RAP1GAP2: variants seen among roughly 807,000 people sequenced by gnomAD.
RAP1GAP2 encodes RAP1 GTPase activating protein 2, also known as rap1 GTPase-activating protein 2.
RAP1GAP2 carries 27 observed loss-of-function variants against 95.0 expected under a neutral mutation model. The observed-to-expected ratio is 0.28, with a 90% confidence interval of 0.21 to 0.39. The LOEUF is 0.39. Among genes scored for constraint, RAP1GAP2 ranks in the 10% least tolerant of loss-of-function variants. The pLI is 1.00. For missense variants in RAP1GAP2, 771 were observed against 970.0 expected (o/e 0.79, Z 2.72); for synonymous variants, 373 against 380.9 (o/e 0.98, Z 0.24).
At chr17:2,863,987 G>T (rs1010034688) in intron 2 of RAP1GAP2, among the ~76,000 whole-genome samples, 1 of 152,092 alleles carries the variant, frequency 6.6e-6, no homozygotes, top group African/African-American at 2.4e-5. Context: ...GGGAGGCGGA[G>T]GTTGCAGTGA....
Position 2,867,774 on chromosome 17 carries a change from C to T in RAP1GAP2, c.81-37510C>T, listed in dbSNP as rs886638679. ...GGCAGTAAAAATGCCAACAGCTGTC[C>T]ACTCTGCTGGCCCTAGTGGCTTAGT... On this transcript the variant is annotated intron_variant, in intron 2 of 24. Transcript: ENST00000254695. The surrounding 1 kb of genome is among the most constrained non-coding windows in gnomAD (Gnocchi z 4.5). Among the ~76,000 whole-genome samples the T allele has an allele frequency of 7.9e-5, 12 of 152,132 alleles. No homozygotes were observed. Among genetic ancestry groups the T allele is most frequent in the African/African-American group, 2.9e-4 (12 of 41,436 alleles).
chr17:2,888,244 A>G (rs888395262), intron 2 of RAP1GAP2, among the ~76,000 whole-genome samples: 2 of 152,122 alleles, frequency 1.3e-5, no homozygotes, highest in Non-Finnish European at 2.9e-5. Flanking sequence ...CATATCTGTC[A>G]CCTCAAACGT....
intron 2 of RAP1GAP2, among the ~76,000 whole-genome samples, chr17:2,864,261 C>G (rs1001390744): frequency 2.6e-5 from 4 of 152,156 alleles, no homozygotes; most frequent in Admixed American, 2.0e-4. Context: ...AGACACAGTC[C>G]TAGGTGCTGA....
intron 2 of RAP1GAP2, among the ~76,000 whole-genome samples, chr17:2,841,972 G>A (rs8072031): frequency 0.11 from 17,365 of 152,234 alleles, 1,202 homozygotes; most frequent in East Asian, 0.21. Context: ...AGCTGCCTGT[G>A]CAACTGGCCC....
In RAP1GAP2 at chr17:2,906,183, G is replaced by A. The variant is rs1347671822; in HGVS notation, c.165+815G>A. On this transcript the variant is annotated intron_variant, in intron 3 of 24. Coordinates refer to ENST00000254695, the MANE Select transcript of RAP1GAP2 (RefSeq NM_015085.5). This position sits in a 1 kb window ranked among gnomAD's most constrained non-coding sequence, Gnocchi z 4.3. ...ACCTGCCTCCTGAGTCATCTGAGGGGACATCTAGGCCAGCTCCTCTCTGTC... is the reference window on the plus strand; with the variant it reads ...ACCTGCCTCCTGAGTCATCTGAGGGAACATCTAGGCCAGCTCCTCTCTGTC... Among the ~76,000 whole-genome samples, 1 of 152,128 alleles carries A rather than the reference G, an allele frequency of 6.6e-6. No individual in the cohort carries two copies. Among genetic ancestry groups the A allele is most frequent in the African/African-American group, 2.4e-5 (1 of 41,446 alleles).
chr17:2,994,703 G>C (rs564289811), intron 12 of RAP1GAP2, among the ~76,000 whole-genome samples: 54 of 152,352 alleles, frequency 3.5e-4, no homozygotes, highest in African/African-American at 1.3e-3. Flanking sequence ...AATGGCACCG[G>C]GGATGGGCAT....
At chr17:2,768,483 G>A (rs2068318600) in intron 1 of RAP1GAP2, among the ~76,000 whole-genome samples, 1 of 152,094 alleles carries the variant, frequency 6.6e-6, no homozygotes, top group Admixed American at 6.6e-5. Flanking sequence ...CCTGAGGTCA[G>A]CAGTTCCAGA....
rs1298963653 is a variant in RAP1GAP2, at chr17:2,834,058, G to T, written c.80+33508G>T. 2.0e-5 allele frequency among the ~76,000 whole-genome samples: 3 copies of T among 152,232 alleles called. No homozygotes were observed. The East Asian group carries it at 5.8e-4, about 29-fold the overall frequency. ...CCTCTGAAGTTCCTGCACCCGCCTG[G>T]TGTCTTTGCAGCATGGTCTTTTGCT... On this transcript the variant is annotated intron_variant, in intron 2 of 24. Transcript: ENST00000254695.
chr17:2,987,341 C>CT (rs1255994791), intron 11 of RAP1GAP2, among the ~76,000 whole-genome samples: 1 of 152,172 alleles, frequency 6.6e-6, no homozygotes, highest in Non-Finnish European at 1.5e-5. Flanking sequence ...TTGTTTTAAA[C>CT]TTACATACAT....
chr17:2,783,235 A>T (rs2068699234), intron 1 of RAP1GAP2, among the ~76,000 whole-genome samples: 1 of 152,144 alleles, frequency 6.6e-6, no homozygotes, highest in South Asian at 2.1e-4. Context: ...CAGAGAGGCC[A>T]TCCCAGATCA....
At chr17:2,978,732 G>C (rs1003412798) in intron 8 of RAP1GAP2, among the ~76,000 whole-genome samples, 1 of 151,838 alleles carries the variant, frequency 6.6e-6, no homozygotes, top group Non-Finnish European at 1.5e-5. Flanking sequence ...TCAGGAATTC[G>C]AGACCAGCCT....
intron 2 of RAP1GAP2, among the ~76,000 whole-genome samples, chr17:2,840,093 T>C (rs2071306290): frequency 6.6e-6 from 1 of 152,114 alleles, no homozygotes; most frequent in African/African-American, 2.4e-5. Flanking sequence ...ATGTTGGCCT[T>C]GGTCACCTGG....
intron 3 of RAP1GAP2, among the ~76,000 whole-genome samples, chr17:2,915,767 G>A (rs1464557286): frequency 2.0e-5 from 3 of 151,942 alleles, no homozygotes; most frequent in East Asian, 1.9e-4. Flanking sequence ...GCGTGATCTC[G>A]GCTCACTGCA....
chr17:2,760,800 T>G (rs1202170240), intron 1 of RAP1GAP2, among the ~76,000 whole-genome samples: 1 of 152,164 alleles, frequency 6.6e-6, no homozygotes, highest in Non-Finnish European at 1.5e-5. Context: ...TTGTTTTAGA[T>G]GACCTTGACA....
At chr17:2,913,294 TC>T (rs139630889) in intron 3 of RAP1GAP2, among the ~76,000 whole-genome samples, 10,254 of 151,736 alleles carry the variant, frequency 0.068, 869 homozygotes, top group East Asian at 0.33. Flanking sequence ...AATTCTGTTC[TC>T]TTTTTTTTTT....
upstream of RAP1GAP2, among the ~76,000 whole-genome samples, chr17:2,772,896 T>C (rs968507574): frequency 6.7e-6 from 1 of 148,922 alleles, no homozygotes; most frequent in African/African-American, 2.5e-5. Flanking sequence ...TTTGCTCTTG[T>C]TGCCCAGGCT....
chr17:2,798,116 G>A (rs1270620048), intron 1 of RAP1GAP2, among the ~76,000 whole-genome samples: 1 of 152,238 alleles, frequency 6.6e-6, no homozygotes, highest in African/African-American at 2.4e-5. Flanking sequence ...TGCCAAGATA[G>A]AAAGCAGAAT....
intron 2 of RAP1GAP2, among the ~76,000 whole-genome samples, chr17:2,826,747 C>T (rs981875947): frequency 3.7e-4 from 57 of 152,158 alleles, no homozygotes; most frequent in Non-Finnish European, 7.1e-4. Flanking sequence ...GTGGCTCACG[C>T]CTGTAATCCC....
At chr17:2,895,139 C>T (rs551732311) in intron 2 of RAP1GAP2, among the ~76,000 whole-genome samples, 1 of 152,210 alleles carries the variant, frequency 6.6e-6, no homozygotes, top group Non-Finnish European at 1.5e-5. Context: ...TCAGAAGGCA[C>T]CTTTACGTCA....
Sources: allele counts gnomAD v4.1 joint callset (sites outside exome capture counted in the v4.1 genomes callset), GRCh38; gene constraint gnomAD v4.1.1; non-coding constraint Gnocchi (gnomAD v3.1); transcripts MANE v1.5; gene names NCBI Gene and HGNC (gene_info 2026-07-23, HGNC 2026-07-21).